EXT1: variants seen among roughly 807,000 people sequenced by gnomAD.
The protein encoded by EXT1 is exostosin glycosyltransferase 1.
Under a neutral mutation model 82.5 loss-of-function variants are expected in EXT1, and 20 were observed. That is an observed-to-expected ratio of 0.24 (90% CI 0.17 to 0.35). EXT1 has a LOEUF of 0.35. EXT1 is among the 10% of genes least tolerant of loss of function. The pLI is 1.00. For missense variants in EXT1, 757 were observed against 936.5 expected (o/e 0.81, Z 2.50); for synonymous variants, 348 against 350.8 (o/e 0.99, Z 0.09).
At chr8:117,866,900 CT>C (rs1370735110) in intron 1 of EXT1, among the ~76,000 whole-genome samples, 6 of 151,984 alleles carry the variant, frequency 3.9e-5, no homozygotes, top group Admixed American at 3.9e-4. Context: ...ATTGGTGACC[CT>C]GAAAATGTCT....
At chr8:117,824,482 G>A (rs7005512) in intron 4 of EXT1, among the ~76,000 whole-genome samples, 1 of 151,962 alleles carries the variant, frequency 6.6e-6, no homozygotes, top group Non-Finnish European at 1.5e-5. Flanking sequence ...TGAATTTAAC[G>A]TGGGTCAAGC....
At chr8:117,826,232 T>C (rs887004896) in intron 4 of EXT1, among the ~76,000 whole-genome samples, 2 of 152,200 alleles carry the variant, frequency 1.3e-5, no homozygotes, top group Admixed American at 1.3e-4. Flanking sequence ...AACCTGACCC[T>C]GGCATTGAAG....
intron 1 of EXT1, among the ~76,000 whole-genome samples, chr8:117,966,569 CT>C (rs1814815261): frequency 6.6e-6 from 1 of 152,164 alleles, no homozygotes; most frequent in African/African-American, 2.4e-5. Flanking sequence ...TAAAGCCAGG[CT>C]TTTGACTACT....
rs546824084 is a variant in EXT1, at chr8:117,872,950, G to T, written c.963-35749C>A. The stretch of plus-strand genomic sequence containing the variant: ...GTTAGGGAGAAGTTAAAGAGAAAGA[G>T]TGTTAGTATTTGCTATGGTCTGAAT... On this transcript the variant is annotated intron_variant, in intron 1 of 10. Coordinates refer to ENST00000378204, the MANE Select transcript of EXT1 (RefSeq NM_000127.3). Among the ~76,000 whole-genome samples, 111 of 152,302 alleles carry T rather than the reference G, an allele frequency of 7.3e-4. 1 individual carries two copies. The South Asian group carries it at 0.022, about 30-fold the overall frequency.
rs142840509 is a variant in EXT1, at chr8:117,992,438, T to TAAA, written c.962+117644_962+117646dup. ...ACGGGACCTCCTCCTTTCAACTAGC[T>TAAA]AAAAAAAAAAAAAAAAAAAAAAAAA... On this transcript the variant is annotated intron_variant, in intron 1 of 10. Transcript: ENST00000378204. Among the ~76,000 whole-genome samples the TAAA allele has an allele frequency of 2.2e-3, 117 of 53,108 alleles. 3 individuals are homozygous for TAAA. The Middle Eastern group carries it at 0.035, about 16-fold the overall frequency. 34.8% of individuals were successfully genotyped at this position (53,108 alleles called of 152,430 possible).
chr8:117,993,577 T>C (rs1163504330), intron 1 of EXT1, among the ~76,000 whole-genome samples: 2 of 152,204 alleles, frequency 1.3e-5, no homozygotes, highest in African/African-American at 4.8e-5. Context: ...TAAACCAACA[T>C]TTCCCAAAGC....
At chr8:117,813,834 TGA>T (rs1295768511) in intron 7 of EXT1, among the ~76,000 whole-genome samples, 1 of 151,916 alleles carries the variant, frequency 6.6e-6, no homozygotes, top group Non-Finnish European at 1.5e-5. Context: ...GGTGAAACCC[TGA>T]CTCTACTAAA....
intron 1 of EXT1, among the ~76,000 whole-genome samples, chr8:117,912,954 T>A (rs1364907867): frequency 6.6e-6 from 1 of 152,204 alleles, no homozygotes; most frequent in African/African-American, 2.4e-5. Flanking sequence ...CCGCGCACAG[T>A]GGCTCATGCC....
chr8:117,974,417 G>C (rs186283702), intron 1 of EXT1, among the ~76,000 whole-genome samples: 2 of 152,258 alleles, frequency 1.3e-5, no homozygotes, highest in Non-Finnish European at 2.9e-5. Flanking sequence ...GCTTCACAAA[G>C]CTGCTTTACA....
At chr8:117,829,153 C>A (rs1175949113) in intron 4 of EXT1, among the ~76,000 whole-genome samples, 1 of 152,166 alleles carries the variant, frequency 6.6e-6, no homozygotes, top group Non-Finnish European at 1.5e-5. Flanking sequence ...GCTCTCCTTT[C>A]TTCAAGCTTG....
intron 1 of EXT1, among the ~76,000 whole-genome samples, chr8:117,964,872 G>GGTGAACTCCTGACCTCA (rs1814776920): frequency 6.6e-6 from 1 of 151,748 alleles, no homozygotes; most frequent in African/African-American, 2.4e-5. Context: ...TCCTGACCTC[G>GGTGAACTCCTGACCTCA]GGTGATCTGC....
At chr8:117,921,404 AC>A (rs1352055801) in intron 1 of EXT1, among the ~76,000 whole-genome samples, 1 of 152,218 alleles carries the variant, frequency 6.6e-6, no homozygotes, top group Non-Finnish European at 1.5e-5. Flanking sequence ...CAGCTCATAT[AC>A]TTGATAGAGC....
intron 1 of EXT1, among the ~76,000 whole-genome samples, chr8:117,996,483 A>G (rs1422464898): frequency 2.6e-5 from 4 of 152,342 alleles, no homozygotes; most frequent in African/African-American, 9.6e-5. Context: ...ACCAGACACA[A>G]CGCTGCTTCA....
chr8:118,061,724 AAT>A (rs531961119), intron 1 of EXT1, among the ~76,000 whole-genome samples: 40 of 152,360 alleles, frequency 2.6e-4, no homozygotes, highest in African/African-American at 9.4e-4. Context: ...GCAAAATATG[AAT>A]ATGTTTAGTT....
intron 1 of EXT1, among the ~76,000 whole-genome samples, chr8:117,901,585 A>C (rs1452855908): frequency 2.0e-5 from 3 of 152,190 alleles, no homozygotes; most frequent in Non-Finnish European, 4.4e-5. Context: ...AACTTAGCTT[A>C]CTGTAAGTTT....
chr8:117,953,865 G>A (rs993162015), intron 1 of EXT1, among the ~76,000 whole-genome samples: 4 of 151,758 alleles, frequency 2.6e-5, no homozygotes, highest in East Asian at 1.9e-4. Context: ...AGCCAAGATC[G>A]CACCACTGCA....
chr8:117,912,125 T>C (rs1813659287), intron 1 of EXT1, among the ~76,000 whole-genome samples: 2 of 152,180 alleles, frequency 1.3e-5, no homozygotes, highest in South Asian at 2.1e-4. Flanking sequence ...TGAGGCACGA[T>C]GGCTCTGAGA....
chr8:117,967,480 C>T (rs1814846958), intron 1 of EXT1, among the ~76,000 whole-genome samples: 1 of 152,094 alleles, frequency 6.6e-6, no homozygotes, highest in African/African-American at 2.4e-5. Flanking sequence ...TTCAGACTTC[C>T]ATGCTTAAAA....
At chr8:117,919,775 A>G (rs916701552) in intron 1 of EXT1, among the ~76,000 whole-genome samples, 5 of 152,190 alleles carry the variant, frequency 3.3e-5, no homozygotes, top group Admixed American at 6.5e-5. Flanking sequence ...AAGTGCTGCA[A>G]TTAAAGCCAT....
Sources: gnomAD v4.1 joint callset for allele counts (sites outside exome capture counted in the v4.1 genomes callset) on GRCh38, gnomAD v4.1.1 for gene constraint, MANE v1.5 for transcripts, NCBI Gene and HGNC (gene_info 2026-07-23, HGNC 2026-07-21) for gene names.